The following RALGAPA2 variants were observed in gnomAD, a reference collection of about 807,000 sequenced individuals.
RALGAPA2 encodes ral GTPase-activating protein subunit alpha-2.
In RALGAPA2, 139 loss-of-function variants were observed where a neutral mutation model predicts 230.4. That is an observed-to-expected ratio of 0.60 (90% CI 0.53 to 0.69). RALGAPA2 has a LOEUF of 0.69. RALGAPA2 is among the 30% of genes least tolerant of loss of function. The pLI is 0.00. For synonymous variants in RALGAPA2, 847 were observed against 837.8 expected, an observed-to-expected ratio of 1.01 and a Z score of -0.19; for missense variants, 2,163 against 2,276.0, an observed-to-expected ratio of 0.95 and a Z score of 1.01.
intron 1 of RALGAPA2, among the ~76,000 whole-genome samples, chr20:20,684,339 T>C (rs1013956322): frequency 6.6e-6 from 1 of 151,992 alleles, no homozygotes. Flanking sequence ...TACTGGGAGA[T>C]CAACAAGTCC....
intron 5 of RALGAPA2, among the ~76,000 whole-genome samples, chr20:20,643,081 C>A (rs1395881751): frequency 6.6e-6 from 1 of 152,150 alleles, no homozygotes; most frequent in Non-Finnish European, 1.5e-5. Flanking sequence ...CAATGGCTCT[C>A]ACAATTAGTA....
At chr20:20,419,753 T>C (rs1433563996) in intron 37 of RALGAPA2, among the ~76,000 whole-genome samples, 5 of 152,244 alleles carry the variant, frequency 3.3e-5, no homozygotes, top group Non-Finnish European at 5.9e-5. Context: ...TAGATTTCTA[T>C]ACATTATCCT....
intron 36 of RALGAPA2, among the ~76,000 whole-genome samples, chr20:20,485,076 G>T (rs1329454811): frequency 6.6e-6 from 1 of 151,250 alleles, no homozygotes; most frequent in African/African-American, 2.4e-5. Flanking sequence ...TTTTTTTAAG[G>T]TCATTAGCTA....
chr20:20,639,598 T>C (rs1016683741), intron 7 of RALGAPA2, among the ~76,000 whole-genome samples, 187 bp downstream of exon 7: 1 of 152,164 alleles, frequency 6.6e-6, no homozygotes, highest in Non-Finnish European at 1.5e-5. Flanking sequence ...AAATAGTACA[T>C]ACAGCTGGTC....
rs2059584247 is a variant in RALGAPA2, at chr20:20,390,349, C to T, written c.*2940G>A. 1 of 152,252 alleles carries T rather than the reference C, an allele frequency of 6.6e-6. No individual in the cohort carries two copies. The allele number at this position is 152,252 out of a possible 1,614,324, so 9.4% of individuals were successfully genotyped here. On this transcript the variant is annotated 3_prime_UTR_variant, in exon 40 of 40. Transcript: ENST00000202677. ...TGCTGAGGCAACCCAGGCTAAATTT[C>T]TTCACTTCTGTCTGCTGAAGGCTTA...
At chr20:20,632,279 C>T (rs892016500) in intron 9 of RALGAPA2, among the ~76,000 whole-genome samples, 1 of 152,108 alleles carries the variant, frequency 6.6e-6, no homozygotes. Context: ...ATCCGCCCGC[C>T]TCGGCCTCCC....
At chr20:20,458,401 T>C (rs866050542) in intron 37 of RALGAPA2, among the ~76,000 whole-genome samples, 1 of 141,594 alleles carries the variant, frequency 7.1e-6, no homozygotes, top group Non-Finnish European at 1.5e-5. Flanking sequence ...TTTTTATACA[T>C]ATAATATATG....
intron 1 of RALGAPA2, among the ~76,000 whole-genome samples, chr20:20,690,905 A>G (rs1265765600): frequency 6.6e-6 from 1 of 152,076 alleles, no homozygotes. Context: ...CCCACATCCC[A>G]AGACACTCTC....
At chr20:20,659,866 C>A in intron 3 of RALGAPA2, 1 of 554,180 alleles carries the variant, frequency 1.8e-6, no homozygotes, top group Non-Finnish European at 3.4e-6. Context: ...ACCAGCAGAG[C>A]ATCCCCTACA....
intron 1 of RALGAPA2, among the ~76,000 whole-genome samples, chr20:20,695,228 T>C (rs192564705): frequency 2.2e-4 from 33 of 152,382 alleles, no homozygotes; most frequent in Non-Finnish European, 4.4e-4. Context: ...TTACTCCTTC[T>C]GTAACAGCAC....
intron 23 of RALGAPA2, among the ~76,000 whole-genome samples, chr20:20,561,641 T>C (rs535464172): frequency 3.3e-5 from 5 of 152,354 alleles, no homozygotes; most frequent in Admixed American, 6.5e-5. Flanking sequence ...ACCTGAAACA[T>C]TGACTCTCTT....
intron 3 of RALGAPA2, among the ~76,000 whole-genome samples, chr20:20,671,495 C>T (rs1398301507): frequency 1.3e-5 from 2 of 152,182 alleles, no homozygotes; most frequent in Non-Finnish European, 2.9e-5. Context: ...CTTTACAGGG[C>T]ACTATCCTAC....
intron 19 of RALGAPA2, among the ~76,000 whole-genome samples, chr20:20,583,808 T>C (rs1004177681): frequency 3.3e-5 from 5 of 152,226 alleles, no homozygotes; most frequent in Non-Finnish European, 2.9e-5. Flanking sequence ...CAAAGACTTA[T>C]AGAACTATTT....
intron 36 of RALGAPA2, among the ~76,000 whole-genome samples, chr20:20,487,318 T>C (rs1435346711): frequency 6.6e-6 from 1 of 152,246 alleles, no homozygotes; most frequent in Admixed American, 6.5e-5. Flanking sequence ...TAGGCTTTTT[T>C]ACATAACTTT....
At chr20:20,690,083 C>G (rs540579169) in intron 1 of RALGAPA2, among the ~76,000 whole-genome samples, 59 of 152,244 alleles carry the variant, frequency 3.9e-4, no homozygotes, top group African/African-American at 1.4e-3. Context: ...GTGTATTCTA[C>G]AAGTACACTT....
rs982629808 is a variant in RALGAPA2, at chr20:20,613,246, T to C, written c.1689-1820A>G. 5.3e-5 allele frequency among the ~76,000 whole-genome samples: 8 copies of C among 152,312 alleles called. No homozygotes were observed. The South Asian group carries it at 1.2e-3, about 24-fold the overall frequency. ...AAGGAGAACTGCTCAAAGAGTGTAA[T>C]AAACTTCTGTTGGAGCACATGGAAT... On this transcript the variant is annotated intron_variant, in intron 13 of 39. Transcript: ENST00000202677.
intron 32 of RALGAPA2, 95 bp downstream of exon 32, chr20:20,512,418 C>A: frequency 7.9e-7 from 1 of 1,259,694 alleles, no homozygotes; most frequent in Non-Finnish European, 1.1e-6. Flanking sequence ...CCTCTCTTCC[C>A]CAATCTTTTC....
intron 4 of RALGAPA2, among the ~76,000 whole-genome samples, chr20:20,649,183 C>T (rs2067313995): frequency 6.6e-6 from 1 of 152,154 alleles, no homozygotes; most frequent in Non-Finnish European, 1.5e-5. Flanking sequence ...CCCAGCCTGG[C>T]TGTGATGCAC....
chr20:20,512,390 A>C, intron 32 of RALGAPA2, 123 bp downstream of exon 32: 1 of 1,046,122 alleles, frequency 9.6e-7, no homozygotes, highest in South Asian at 1.8e-5. Context: ...TGTTAAAATA[A>C]AGAAAAATCT....
Sources: gnomAD v4.1 joint callset for allele counts (sites outside exome capture counted in the v4.1 genomes callset) on GRCh38, gnomAD v4.1.1 for gene constraint, MANE v1.5 for transcripts, NCBI Gene and HGNC (gene_info 2026-07-23, HGNC 2026-07-21) for gene names.